Variants in DMD observed in about 807,000 individuals in gnomAD.
The protein encoded by DMD is mutant dystrophin.
Under a neutral mutation model 330.1 loss-of-function variants are expected in DMD, and 63 were observed. The observed-to-expected ratio is 0.19, with a 90% CI of 0.16 to 0.24. The LOEUF (loss-of-function observed/expected upper bound fraction) is 0.24, where lower values mean the gene tolerates loss of function less well. Ranked by LOEUF, DMD falls within the 10% of genes least tolerant of loss-of-function variation. DMD has a pLI of 1.00. For synonymous variants in DMD, 1,223 were observed against 959.8 expected (o/e 1.27, Z -5.07); for missense variants, 3,344 against 2,684.1 (o/e 1.25, Z -5.43).
chrX:31,314,765 AGAGAGAGAGAGAGAGT>A (rs1322751261), intron 62 of DMD, among the ~76,000 whole-genome samples: 1 of 106,389 alleles, frequency 9.4e-6, no homozygotes, highest in African/African-American at 3.5e-5. Context: ...AGAGAGAGAG[AGAGAGAGAGAGAGAGT>A]GTTTTACCGT....
In DMD at chrX:31,396,137, A is replaced by ATTT. The variant is rs773913224; in HGVS notation, c.9085-47506_9085-47504dup. Among the ~76,000 whole-genome samples the ATTT allele has an allele frequency of 4.4e-3, 394 of 89,969 alleles. 5 individuals are homozygous for ATTT. Among genetic ancestry groups the ATTT allele is most frequent in the African/African-American group, 0.015 (345 of 22,354 alleles). 78.1% of individuals were successfully genotyped at this position (89,969 alleles called of 115,157 possible). ...GGGCCCTTAGCTTCCAAAGATGACA[A>ATTT]TTTTTTTTTTTTTTTTTTGAGACGG... On this transcript the variant is annotated intron_variant, in intron 60 of 78. Coordinates refer to ENST00000357033, the MANE Select transcript of DMD (RefSeq NM_004006.3).
chrX:33,072,289 G>A (rs895102368), intron 1 of DMD, among the ~76,000 whole-genome samples: 3 of 111,572 alleles, frequency 2.7e-5, no homozygotes, highest in Non-Finnish European at 5.6e-5. Context: ...GTGGTCGCAG[G>A]CACCTGTAAT....
At chrX:32,690,338 A>G (rs983464577) in intron 9 of DMD, among the ~76,000 whole-genome samples, 2 of 111,601 alleles carry the variant, frequency 1.8e-5, no homozygotes, top group African/African-American at 3.2e-5. Flanking sequence ...TAAAACATTG[A>G]TGAAAGAAAT....
At chrX:31,480,951 CAT>C (rs746804919) in intron 57 of DMD, among the ~76,000 whole-genome samples, 1 of 111,781 alleles carries the variant, frequency 8.9e-6, no homozygotes, top group Admixed American at 9.5e-5. Flanking sequence ...CTAGTAATCA[CAT>C]AGAATTCAAA....
intron 64 of DMD, among the ~76,000 whole-genome samples, chrX:31,210,152 C>A (rs2044504651): frequency 8.9e-6 from 1 of 111,849 alleles, no homozygotes; most frequent in Non-Finnish European, 1.9e-5. Context: ...TGTGTAAACT[C>A]TATTTCTAGC....
intron 48 of DMD, among the ~76,000 whole-genome samples, chrX:31,844,399 T>A (rs1245625642): frequency 9.1e-6 from 1 of 110,253 alleles, no homozygotes; most frequent in Non-Finnish European, 1.9e-5. Flanking sequence ...CAAGTTTCTG[T>A]TTTTGTAGAA....
intron 41 of DMD, among the ~76,000 whole-genome samples, chrX:32,326,608 T>C (rs1379206130): frequency 8.9e-6 from 1 of 112,160 alleles, no homozygotes; most frequent in African/African-American, 3.2e-5. Context: ...ATAGGTAAGA[T>C]ATTAAAGATC....
Position 32,214,713 on chromosome X carries a change from T to C in DMD, c.6438+2203A>G, listed in dbSNP as rs181613145. 2.3e-3 allele frequency among the ~76,000 whole-genome samples: 252 copies of C among 111,854 alleles called. 1 individual carries two copies. The highest frequency in any genetic ancestry group is 7.8e-3 in the African/African-American group (242 of 30,839). ...GTCATAACAAAGCATAAAAGGAAGA[T>C]TCTCAAAAGATCAAATTGTTTCCAA... On this transcript the variant is annotated intron_variant, in intron 44 of 78. Coordinates refer to ENST00000357033, the MANE Select transcript of DMD (RefSeq NM_004006.3).
chrX:32,430,162 TAAG>T (rs1173642347), intron 29 of DMD, among the ~76,000 whole-genome samples: 1 of 111,724 alleles, frequency 9.0e-6, no homozygotes, highest in Non-Finnish European at 1.9e-5. Flanking sequence ...TTGTTGTAGA[TAAG>T]AAGTCTAATG....
chrX:32,400,823 A>G (rs1386592508), intron 30 of DMD, among the ~76,000 whole-genome samples: 6 of 108,077 alleles, frequency 5.6e-5, no homozygotes, highest in Admixed American at 3.0e-4. Flanking sequence ...CAGCCATCCC[A>G]TTACTGGGTA....
chrX:32,864,478 ATCTTTTCTTTC>A (rs2082329250), intron 2 of DMD, among the ~76,000 whole-genome samples: 7 of 112,289 alleles, frequency 6.2e-5, no homozygotes, highest in Admixed American at 3.8e-4. Flanking sequence ...AGTTTAATAT[ATCTTTTCTTTC>A]TTCTATCATT....
chrX:31,287,586 A>C lies in DMD; in HGVS notation c.9225-26570T>G, dbSNP rs764800687. 6.2e-5 allele frequency among the ~76,000 whole-genome samples: 7 copies of C among 112,165 alleles called. No individual in the cohort carries two copies. The South Asian group carries it at 2.6e-3, about 42-fold the overall frequency. On this transcript the variant is annotated intron_variant, in intron 62 of 78. Coordinates refer to ENST00000357033, the MANE Select transcript of DMD (RefSeq NM_004006.3). ...ACTTGTGCAGCTCAAGATTGAAAGA[A>C]AGCACAATGAGGAGATTCAATTAAA... is the stretch of plus-strand genomic sequence containing the variant.
At chrX:31,494,768 T>G (rs1421859838) in intron 57 of DMD, among the ~76,000 whole-genome samples, 1 of 112,113 alleles carries the variant, frequency 8.9e-6, no homozygotes, top group Non-Finnish European at 1.9e-5. Context: ...ACCAATTTCC[T>G]CATATTACAG....
At position 32,283,485 on chromosome X, in the gene DMD, T is replaced by C. The variant is rs149437498; in HGVS notation, c.6290+4044A>G. ...ATGAAGGCTGTACTGAACATTTGTG[T>C]ATTCAGGAATGCATAGCTTCTAAAT... On this transcript the variant is annotated intron_variant, in intron 43 of 78. Coordinates refer to ENST00000357033, the MANE Select transcript of DMD (RefSeq NM_004006.3). Among the ~76,000 whole-genome samples, 40 of 112,220 alleles carry C rather than the reference T, an allele frequency of 3.6e-4. No homozygotes were observed. In the South Asian group the frequency reaches 8.5e-3, roughly 24 times the overall value.
intron 51 of DMD, among the ~76,000 whole-genome samples, chrX:31,744,040 A>G (rs1412957516): frequency 9.1e-6 from 1 of 110,219 alleles, no homozygotes; most frequent in Non-Finnish European, 1.9e-5. Context: ...ATTTTTCTAC[A>G]TATATATTTT....
At chrX:31,423,423 C>T (rs908080021) in intron 60 of DMD, among the ~76,000 whole-genome samples, 4 of 111,365 alleles carry the variant, frequency 3.6e-5, no homozygotes, top group East Asian at 2.8e-4. Context: ...TTCCTTTGGG[C>T]GCATGAATGA....
intron 7 of DMD, among the ~76,000 whole-genome samples, chrX:32,786,565 C>T (rs2075375406): frequency 9.0e-6 from 1 of 111,601 alleles, no homozygotes; most frequent in African/African-American, 3.3e-5. Flanking sequence ...AATTCAGTAT[C>T]CCTCTTATTC....
At chrX:32,155,720 A>T (rs2096827011) in intron 44 of DMD, among the ~76,000 whole-genome samples, 1 of 111,595 alleles carries the variant, frequency 9.0e-6, no homozygotes, top group Non-Finnish European at 1.9e-5. Context: ...GAGACCTGAT[A>T]CTTTAAGGAA....
At chrX:31,684,477 CT>C (rs750094989) in intron 52 of DMD, among the ~76,000 whole-genome samples, 1 of 111,901 alleles carries the variant, frequency 8.9e-6, no homozygotes, top group East Asian at 2.8e-4. Context: ...CCTCTCTTTG[CT>C]CTGTGGATGG....
Sources: gnomAD v4.1 joint callset for allele counts (sites outside exome capture counted in the v4.1 genomes callset) on GRCh38, gnomAD v4.1.1 for gene constraint, MANE v1.5 for transcripts, NCBI Gene and HGNC (gene_info 2026-07-23, HGNC 2026-07-21) for gene names.